The following TAF1 variants were observed in gnomAD, a reference collection of about 807,000 sequenced individuals.
TAF1 encodes transcription initiation factor TFIID subunit 1.
A neutral mutation model predicts 138.5 loss-of-function variants in TAF1; 2 were observed. The observed-to-expected ratio is 0.01, with a 90% CI of 0.01 to 0.05. The LOEUF is 0.05. TAF1 is among the 10% of genes least tolerant of loss of function. TAF1 has a pLI of 1.00. For synonymous variants in TAF1, 437 were observed against 503.2 expected, an observed-to-expected ratio of 0.87 and a Z score of 1.76; for missense variants, 709 against 1,478.0, an observed-to-expected ratio of 0.48 and a Z score of 8.53.
chrX:71,443,854 G>A (rs759734076), intron 32 of TAF1, among the ~76,000 whole-genome samples: 3 of 111,381 alleles, frequency 2.7e-5, no homozygotes, highest in East Asian at 2.8e-4. Context: ...GATTATAGGC[G>A]TCCGCCCCAA....
At chrX:71,482,554 C>CT (rs2039090107) in intron 13 of TAF1, among the ~76,000 whole-genome samples, 1 of 112,239 alleles carries the variant, frequency 8.9e-6, no homozygotes. Flanking sequence ...ATATTGTAGT[C>CT]TATTAAATGT....
chrX:71,499,946 T>C (rs1463065683), intron 13 of TAF1, among the ~76,000 whole-genome samples: 1 of 111,930 alleles, frequency 8.9e-6, no homozygotes, highest in Non-Finnish European at 1.9e-5. Context: ...AGGTCTGCCT[T>C]GATCTGCTTT....
chrX:71,490,896 T>C (rs1486537259), intron 13 of TAF1, among the ~76,000 whole-genome samples: 1 of 109,630 alleles, frequency 9.1e-6, no homozygotes, highest in Non-Finnish European at 1.9e-5. Flanking sequence ...TTTGTATTTT[T>C]AGTAGAGATG....
At chrX:71,438,691 G>C (rs1569347806) in intron 32 of TAF1, among the ~76,000 whole-genome samples, 1 of 111,989 alleles carries the variant, frequency 8.9e-6, no homozygotes, top group Non-Finnish European at 1.9e-5. Flanking sequence ...ATTGTGATTG[G>C]CTTCCATGAC....
At chrX:71,523,112 G>T (rs2039933592) in intron 13 of TAF1, among the ~76,000 whole-genome samples, 1 of 102,625 alleles carries the variant, frequency 9.7e-6, no homozygotes, top group Non-Finnish European at 2.0e-5. Context: ...AGCCCGGGAG[G>T]CAGAGGTTCC....
At chrX:71,394,646 T>G (rs1256749408) in intron 22 of TAF1, among the ~76,000 whole-genome samples, 2 of 112,617 alleles carry the variant, frequency 1.8e-5, no homozygotes, top group Admixed American at 1.9e-4. Context: ...ATTTTTTTAT[T>G]TTGGAGACAG....
intron 32 of TAF1, among the ~76,000 whole-genome samples, chrX:71,427,582 CAAAAG>C (rs1171929904): frequency 8.9e-6 from 1 of 111,747 alleles, no homozygotes; most frequent in African/African-American, 3.3e-5. Context: ...GGACAAATCA[CAAAAG>C]AGAAAAATTA....
rs2035565691 is a variant in TAF1, at chrX:71,408,037, C to T, written c.4270C>T (p.Arg1424Trp). 1.7e-6 allele frequency: 2 copies of T among 1,209,693 alleles called. No homozygotes were observed. The highest frequency in any genetic ancestry group is 1.8e-5 in the South Asian group (1 of 56,791). Residue 1424 changes from arginine (R) to tryptophan (W), a missense_variant, in exon 28 of 38, where the codon CGG (arginine) becomes TGG (tryptophan). Arg to Trp is a moderately radical substitution (Grantham distance 101, BLOSUM62 -3). Transcript: ENST00000423759. ...VVKDYYKIIT[R>W]PMDLQTLREN... is the part of the protein sequence containing the mutation. Reference sequence around the variant, plus strand: ...AAAGGACTACTACAAAATCATCACTCGGCCAATGGACCTACAAACACTCCG... The same window carrying T: ...AAAGGACTACTACAAAATCATCACTTGGCCAATGGACCTACAAACACTCCG...
chrX:71,444,992 T>C (rs1385243018), intron 32 of TAF1, among the ~76,000 whole-genome samples: 1 of 110,912 alleles, frequency 9.0e-6, no homozygotes, highest in Non-Finnish European at 1.9e-5. Context: ...CCTCCCAATG[T>C]GCTGGGATTA....
chrX:71,503,268 C>CA (rs1224612515), intron 13 of TAF1, among the ~76,000 whole-genome samples: 6 of 67,021 alleles, frequency 9.0e-5, no homozygotes, highest in South Asian at 6.6e-4. Context: ...GAGACTGTCT[C>CA]AAAAAAAAAA....
rs73217064 is a variant in TAF1, at chrX:71,529,972, C to G, written c.*434C>G. On this transcript the variant is annotated 3_prime_UTR_variant and NMD_transcript_variant, in exon 15 of 15. Transcript: ENST00000373775. The stretch of plus-strand genomic sequence containing the variant: ...CATAGGGTGTGCTCCCCTTGCTGTT[C>G]TGCTTTTGTTTTGCAGAAAGCTGCC... The G allele has an allele frequency of 3.9e-4, 70 of 181,459 alleles. 1 individual carries two copies. The highest frequency in any genetic ancestry group is 6.5e-4 in the Non-Finnish European group (62 of 95,506). The allele number at this position is 181,459 out of a possible 1,213,427, so 15.0% of individuals were successfully genotyped here. A position where few individuals can be genotyped will look rare whatever the true frequency, so the allele number is the denominator to read the frequency against.
Position 71,478,160 on chromosome X carries a change from C to T in TAF1, c.1366+17357C>T, listed in dbSNP as rs150749787. On this transcript the variant is annotated intron_variant and NMD_transcript_variant, in intron 13 of 14. Transcript: ENST00000373775. Reference sequence around the variant, plus strand: ...TGAGGTCAGGAGTTCGAGACTAGCCCAGCCAACATGGTGAAACCCTATCTC... The same window carrying T: ...TGAGGTCAGGAGTTCGAGACTAGCCTAGCCAACATGGTGAAACCCTATCTC... Among the ~76,000 whole-genome samples, 71 of 110,188 alleles carry T rather than the reference C, an allele frequency of 6.4e-4. 2 individuals carry two copies. The East Asian group carries it at 0.019, about 30-fold the overall frequency.
chrX:71,388,583 G>T, intron 16 of TAF1, 155 bp from the exon 17 acceptor site: 1 of 925,857 alleles, frequency 1.1e-6, no homozygotes, highest in Non-Finnish European at 1.5e-6. Context: ...TCTATGAGTT[G>T]TAGGAAACTT....
At chrX:71,430,155 C>T (rs1044912208) in intron 32 of TAF1, among the ~76,000 whole-genome samples, 8 of 110,706 alleles carry the variant, frequency 7.2e-5, no homozygotes, top group Non-Finnish European at 9.5e-5. Context: ...CTGAGGTGGG[C>T]GGATCACGAG....
chrX:71,433,430 G>C (rs2036987263), intron 32 of TAF1, among the ~76,000 whole-genome samples: 1 of 111,453 alleles, frequency 9.0e-6, no homozygotes, highest in African/African-American at 3.3e-5. Flanking sequence ...CAAGTGTCCT[G>C]CAGGGGCCAG....
intron 13 of TAF1, among the ~76,000 whole-genome samples, chrX:71,490,211 A>G (rs2039249186): frequency 8.9e-6 from 1 of 112,340 alleles, no homozygotes; most frequent in Non-Finnish European, 1.9e-5. Context: ...ATTTTCCTTC[A>G]GAGGAGGCAG....
At chrX:71,461,140 A>G (rs960261020) in intron 37 of TAF1, among the ~76,000 whole-genome samples, 2 of 111,168 alleles carry the variant, frequency 1.8e-5, no homozygotes, top group African/African-American at 6.5e-5. Context: ...ACAAGGGAAC[A>G]TTTGAATTGG....
Position 71,465,171 on chromosome X carries a change from G to A in TAF1, c.*1125G>A, listed in dbSNP as rs925361832. 4 of 111,716 alleles carry A rather than the reference G, an allele frequency of 3.6e-5. No individual in the cohort carries two copies. In the Admixed American group the frequency reaches 3.8e-4, roughly 11 times the overall value. The allele number at this position is 111,716 out of a possible 1,213,427, so 9.2% of individuals were successfully genotyped here. ...GATAAGCACTCTATCAGATCCTTGGGATGCAAAGGTAAATAAGACAAATCC... is the reference window on the plus strand; with the variant it reads ...GATAAGCACTCTATCAGATCCTTGGAATGCAAAGGTAAATAAGACAAATCC... On this transcript the variant is annotated 3_prime_UTR_variant, in exon 38 of 38. Coordinates refer to ENST00000423759, the MANE Select transcript of TAF1 (RefSeq NM_004606.5).
intron 8 of TAF1, 45 bp downstream of exon 8, chrX:71,379,076 C>A: frequency 5.3e-6 from 5 of 943,507 alleles, no homozygotes; most frequent in Non-Finnish European, 7.4e-6. Context: ...TGCCCTTAAT[C>A]TTAGTCACCA....
Sources: gnomAD v4.1 joint callset for allele counts (sites outside exome capture counted in the v4.1 genomes callset) on GRCh38, gnomAD v4.1.1 for gene constraint, MANE v1.5 for transcripts, NCBI Gene and HGNC (gene_info 2026-07-23, HGNC 2026-07-21) for gene names.